EEFSEC: variants seen among roughly 807,000 people sequenced by gnomAD.
The protein encoded by EEFSEC is eukaryotic elongation factor, selenocysteine-tRNA specific.
Under a neutral mutation model 42.1 loss-of-function variants are expected in EEFSEC, and 43 were observed. That is an observed-to-expected ratio of 1.02 (90% CI 0.80 to 1.32). EEFSEC has a LOEUF of 1.32. Among genes scored for constraint, EEFSEC ranks in the 40% most tolerant of loss-of-function variants. The pLI, the probability that EEFSEC is intolerant of heterozygous loss-of-function variation, is 0.00. For synonymous variants in EEFSEC, 354 were observed against 339.1 expected (o/e 1.04, Z -0.48); for missense variants, 745 against 803.6 (o/e 0.93, Z 0.88).
chr3:128,330,590 C>T (rs1025566859), intron 4 of EEFSEC, among the ~76,000 whole-genome samples: 62 of 152,138 alleles, frequency 4.1e-4, no homozygotes, highest in African/African-American at 1.4e-3. Context: ...GGGTACAGGG[C>T]GCCACAGGGG....
intron 4 of EEFSEC, among the ~76,000 whole-genome samples, chr3:128,331,148 C>G (rs1201712636): frequency 2.6e-5 from 1 of 38,928 alleles, no homozygotes. Flanking sequence ...CCTCTTCCCC[C>G]CTTCCTCAGT....
intron 4 of EEFSEC, among the ~76,000 whole-genome samples, chr3:128,318,817 G>A (rs532019122): frequency 5.3e-5 from 8 of 152,316 alleles, no homozygotes; most frequent in East Asian, 3.9e-4. Flanking sequence ...GACGAGCAGC[G>A]GTTGATGCCT....
intron 4 of EEFSEC, among the ~76,000 whole-genome samples, chr3:128,293,343 C>T (rs555439734): frequency 1.3e-5 from 2 of 152,292 alleles, no homozygotes; most frequent in African/African-American, 4.8e-5. Flanking sequence ...AGGACATCCT[C>T]TCCTTCTTTT....
the EEFSEC span, among the ~76,000 whole-genome samples, chr3:128,414,322 G>C: frequency 4.3e-4 from 65 of 152,304 alleles, no homozygotes; most frequent in Non-Finnish European, 9.0e-4. Flanking sequence ...CTGCCCCCAT[G>C]GCAGCCACTC....
rs61367177 is a variant in EEFSEC, at chr3:128,180,867, A to T, written c.316+27044A>T. On this transcript the variant is annotated intron_variant, in intron 1 of 6. Transcript: ENST00000254730. ...TCAGATGTGACTTAAAAATGAATTT[A>T]AAAAAAGGGGGCTAATGAAGTCCTG... Among the ~76,000 whole-genome samples, 333 of 152,296 alleles carry T rather than the reference A, an allele frequency of 2.2e-3. 1 individual carries two copies. The highest frequency in any genetic ancestry group is 7.5e-3 in the African/African-American group (310 of 41,560).
At chr3:128,386,818 A>G (rs971406066) in intron 6 of EEFSEC, among the ~76,000 whole-genome samples, 6 of 152,138 alleles carry the variant, frequency 3.9e-5, no homozygotes, top group African/African-American at 1.2e-4. Context: ...ACAGAGCGAG[A>G]ACTCACTCAT....
intron 6 of EEFSEC, among the ~76,000 whole-genome samples, chr3:128,369,029 C>A (rs2067623378): frequency 6.6e-6 from 1 of 152,254 alleles, no homozygotes; most frequent in African/African-American, 2.4e-5. Context: ...TGTGTTGGCA[C>A]CAGGTCCTTA....
chr3:128,208,075 A>G (rs1459219629), intron 1 of EEFSEC, among the ~76,000 whole-genome samples: 1 of 152,124 alleles, frequency 6.6e-6, no homozygotes, highest in Non-Finnish European at 1.5e-5. Context: ...GGGAGTCTGG[A>G]TCAGTACTGC....
chr3:128,235,437 T>G (rs2065998546), intron 1 of EEFSEC, among the ~76,000 whole-genome samples: 2 of 151,154 alleles, frequency 1.3e-5, no homozygotes, highest in Admixed American at 6.6e-5. Context: ...GTTCAAAATC[T>G]TAAAGGTACA....
intron 4 of EEFSEC, among the ~76,000 whole-genome samples, chr3:128,286,137 T>G (rs111990993): frequency 6.6e-6 from 1 of 152,268 alleles, no homozygotes; most frequent in African/African-American, 2.4e-5. Flanking sequence ...TTTGCTGATA[T>G]GTACAGTCTC....
Position 128,262,158 on chromosome 3 carries a change from G to A in EEFSEC, c.555G>A (p.Ala185=), listed in dbSNP as rs7625074. The A allele has an allele frequency of 2.1e-4, 331 of 1,614,112 alleles. No homozygotes were observed. In the African/African-American group the frequency reaches 3.5e-3, roughly 17 times the overall value. The change falls in exon 3 of 7, where the codon GCG becomes GCA. Residue 185 remains alanine, a synonymous_variant. Coordinates refer to ENST00000254730, the MANE Select transcript of EEFSEC (RefSeq NM_021937.5). ...GAGGTGCACCGATTATACCCGTGGC[G>A]GCCAAGCCGGGGGGACCAGAGGCCC... ...KFRGAPIIPV[A]AKPGGPEAPE... is the part of the protein sequence containing the mutation.
chr3:128,358,821 T>C (rs1419348056), intron 6 of EEFSEC, among the ~76,000 whole-genome samples: 2 of 152,106 alleles, frequency 1.3e-5, no homozygotes, highest in Non-Finnish European at 2.9e-5. Flanking sequence ...ACCCCCAGGC[T>C]CAGCACCACC....
intron 6 of EEFSEC, among the ~76,000 whole-genome samples, chr3:128,398,615 G>A (rs898771172): frequency 6.6e-6 from 1 of 152,114 alleles, no homozygotes; most frequent in Admixed American, 6.5e-5. Flanking sequence ...CCGGGCCCTG[G>A]GGCAGGGACC....
In EEFSEC at chr3:128,314,274, T is replaced by C. The variant is rs139574861; in HGVS notation, c.787-26959T>C. ...AAATGTTTAGCAAATAAGGAACTCTTTCTTTTTTCTCTCTGGTGCAGGATT... is the reference window on the plus strand; with the variant it reads ...AAATGTTTAGCAAATAAGGAACTCTCTCTTTTTTCTCTCTGGTGCAGGATT... On this transcript the variant is annotated intron_variant, in intron 4 of 6. Transcript: ENST00000254730. Among the ~76,000 whole-genome samples the C allele has an allele frequency of 2.4e-3, 370 of 152,328 alleles. 2 individuals carry two copies. The highest frequency in any genetic ancestry group is 8.5e-3 in the African/African-American group (354 of 41,580).
chr3:128,341,260 A>T lies in EEFSEC; in HGVS notation c.814A>T (p.Met272Leu), dbSNP rs760326855. The T allele has an allele frequency of 6.2e-7, 1 of 1,612,390 alleles. No individual in the cohort carries two copies. Among genetic ancestry groups the T allele is most frequent in the Admixed American group, 1.7e-5 (1 of 59,910 alleles). ...KVVKKVKSMQ[M>L]FHMPITSAMQ... The stretch of plus-strand genomic sequence containing the variant: ...GGTGAAGAAGGTGAAGTCCATGCAG[A>T]TGTTCCACATGCCCATCACTTCAGC... The change falls in exon 5 of 7, where the codon ATG (methionine) becomes TTG (leucine). Residue 272 changes from methionine to leucine, a missense_variant. Met to Leu is a conservative substitution (Grantham distance 15). Transcript: ENST00000254730.
intron 1 of EEFSEC, among the ~76,000 whole-genome samples, chr3:128,198,089 C>T (rs184881616): frequency 9.7e-4 from 147 of 152,310 alleles, no homozygotes; most frequent in Admixed American, 2.5e-3. Flanking sequence ...ACTGTGGCTT[C>T]CCCTGACAGC....
At chr3:128,203,633 G>A (rs1480686500) in intron 1 of EEFSEC, among the ~76,000 whole-genome samples, 1 of 152,228 alleles carries the variant, frequency 6.6e-6, no homozygotes, top group Non-Finnish European at 1.5e-5. Flanking sequence ...AGCCAGGTCT[G>A]CTAGCCCTCA....
intron 6 of EEFSEC, among the ~76,000 whole-genome samples, chr3:128,367,272 G>T (rs79867191): frequency 6.6e-6 from 1 of 152,336 alleles, no homozygotes; most frequent in African/African-American, 2.4e-5. Flanking sequence ...TAGGATGCTG[G>T]CACTGGCAGA....
At chr3:128,304,487 C>T (rs914710885) in intron 4 of EEFSEC, among the ~76,000 whole-genome samples, 1 of 152,058 alleles carries the variant, frequency 6.6e-6, no homozygotes, top group Non-Finnish European at 1.5e-5. Flanking sequence ...CTGTAACCCG[C>T]CACCTTCCCA....
Sources: gnomAD v4.1 joint callset for allele counts (sites outside exome capture counted in the v4.1 genomes callset) on GRCh38, gnomAD v4.1.1 for gene constraint, MANE v1.5 for transcripts, NCBI Gene and HGNC (gene_info 2026-07-23, HGNC 2026-07-21) for gene names.